Variants in COL21A1 observed in about 807,000 individuals in gnomAD.
COL21A1 encodes collagen alpha-1(XXI) chain.
Under a neutral mutation model 137.9 loss-of-function variants are expected in COL21A1, and 149 were observed. That is an observed-to-expected ratio of 1.08 (90% CI 0.95 to 1.24). COL21A1 has a LOEUF of 1.24. Ranked by LOEUF, COL21A1 falls within the 50% of genes most tolerant of loss-of-function variation. COL21A1 has a pLI of 0.00. For synonymous variants in COL21A1, 456 were observed against 391.5 expected (o/e 1.16, Z -1.95); for missense variants, 1,167 against 1,158.4 (o/e 1.01, Z -0.11).
At chr6:56,066,430 G>A (rs12207719) in intron 23 of COL21A1, among the ~76,000 whole-genome samples, 22,883 of 151,752 alleles carry the variant, frequency 0.15, 1,757 homozygotes, top group Middle Eastern at 0.22. Flanking sequence ...TACATTTGTG[G>A]AAATGTCCAG....
intron 7 of COL21A1, 46 bp from the exon 8 acceptor site, chr6:56,164,868 T>A: frequency 7.4e-7 from 1 of 1,346,584 alleles, no homozygotes; most frequent in African/African-American, 1.5e-5. Context: ...TTAAATAAAA[T>A]TTATAAATTA....
At chr6:56,086,756 A>G (rs1768287168) in intron 17 of COL21A1, among the ~76,000 whole-genome samples, 1 of 152,158 alleles carries the variant, frequency 6.6e-6, no homozygotes, top group Non-Finnish European at 1.5e-5. Flanking sequence ...TTTATCTAGA[A>G]AGGTTCCTAT....
At chr6:56,390,923 A>C (rs892386512) in intron 1 of COL21A1, among the ~76,000 whole-genome samples, 13 of 152,154 alleles carry the variant, frequency 8.5e-5, no homozygotes, top group African/African-American at 2.4e-5. Flanking sequence ...CCAGACAAAA[A>C]ATCAACATAG....
At chr6:56,218,379 A>T (rs1014535552) in intron 1 of COL21A1, among the ~76,000 whole-genome samples, 4 of 152,026 alleles carry the variant, frequency 2.6e-5, no homozygotes, top group Non-Finnish European at 5.9e-5. Flanking sequence ...ACATTTCCCA[A>T]CACTTCCTAA....
chr6:56,336,359 A>C (rs988194442), intron 1 of COL21A1, among the ~76,000 whole-genome samples: 6 of 152,252 alleles, frequency 3.9e-5, no homozygotes, highest in South Asian at 2.1e-4. Flanking sequence ...TAAGTAACTT[A>C]ACCGAAGATA....
intron 16 of COL21A1, among the ~76,000 whole-genome samples, chr6:56,110,652 C>A (rs973370510): frequency 1.3e-4 from 19 of 151,826 alleles, no homozygotes; most frequent in African/African-American, 4.6e-4. Flanking sequence ...GTAGGATATA[C>A]AATCAATATA....
intron 10 of COL21A1, among the ~76,000 whole-genome samples, chr6:56,143,787 C>G (rs1169259483): frequency 6.6e-6 from 1 of 152,128 alleles, no homozygotes; most frequent in Non-Finnish European, 1.5e-5. Context: ...GATCAAAGAC[C>G]AGGTTTAATT....
intron 17 of COL21A1, among the ~76,000 whole-genome samples, chr6:56,082,913 G>A (rs1010795877): frequency 2.0e-5 from 3 of 151,348 alleles, no homozygotes; most frequent in African/African-American, 7.3e-5. Flanking sequence ...CTCTATACTA[G>A]TTATTGCATA....
At chr6:56,233,409 T>C in intron 1 of COL21A1, among the ~76,000 whole-genome samples, 1 of 151,828 alleles carries the variant, frequency 6.6e-6, no homozygotes, top group Non-Finnish European at 1.5e-5. Context: ...CTCAGTTAAA[T>C]CTAATTGATA....
intron 1 of COL21A1, among the ~76,000 whole-genome samples, chr6:56,392,737 C>T (rs2094032168): frequency 6.6e-6 from 1 of 152,088 alleles, no homozygotes; most frequent in Non-Finnish European, 1.5e-5. Context: ...AAAGTAATCT[C>T]ATTTATAATA....
chr6:56,385,617 C>T (rs1379944600), intron 1 of COL21A1, among the ~76,000 whole-genome samples: 1 of 152,112 alleles, frequency 6.6e-6, no homozygotes, highest in Non-Finnish European at 1.5e-5. Context: ...AATTCAGTGT[C>T]ATATAGTACA....
chr6:56,382,261 G>A (rs1291303330), intron 1 of COL21A1, among the ~76,000 whole-genome samples: 5 of 152,092 alleles, frequency 3.3e-5, no homozygotes, highest in African/African-American at 1.2e-4. Context: ...TTCACCATTG[G>A]TTATTAGAAA....
At chr6:56,078,404 T>C (rs62404863) in intron 17 of COL21A1, among the ~76,000 whole-genome samples, 22,950 of 151,494 alleles carry the variant, frequency 0.15, 1,743 homozygotes, top group Middle Eastern at 0.22. Flanking sequence ...CTGAAACAGT[T>C]AACAACATTT....
chr6:56,139,706 T>A (rs1051202700), intron 12 of COL21A1, among the ~76,000 whole-genome samples: 4 of 152,172 alleles, frequency 2.6e-5, no homozygotes, highest in Non-Finnish European at 2.9e-5. Context: ...AGTTCCTTGG[T>A]TATGACTGAC....
intron 1 of COL21A1, among the ~76,000 whole-genome samples, chr6:56,290,498 G>GTTTTTTTTTTTTTTTTTTTTTTTTTTTT (rs371058894): frequency 3.0e-5 from 4 of 132,960 alleles, no homozygotes; most frequent in Admixed American, 8.2e-5. Flanking sequence ...TCACTTAGGA[G>GTTTTTTTTTTTTTTTTTTTTTTTTTTTT]ATTTTTTTTT....
chr6:56,213,105 T>C (rs1022822437), intron 1 of COL21A1, among the ~76,000 whole-genome samples: 2 of 152,110 alleles, frequency 1.3e-5, no homozygotes, highest in Non-Finnish European at 2.9e-5. Flanking sequence ...GACTCTATGA[T>C]AAATCAATTT....
intron 1 of COL21A1, among the ~76,000 whole-genome samples, chr6:56,322,703 T>C (rs966249865): frequency 6.6e-6 from 1 of 152,078 alleles, no homozygotes; most frequent in Non-Finnish European, 1.5e-5. Context: ...ATACAAGATA[T>C]TCCATTTGGT....
Position 56,291,567 on chromosome 6 carries a change from C to T in COL21A1, c.-39+102404G>A, listed in dbSNP as rs1032351830. On this transcript the variant is annotated intron_variant, in intron 1 of 28. Transcript: ENST00000370819. ...GGAGACTAAGAGCCAAAATGCGGGTCGCAGAGTCTAGCTCCAACACCACAA... is the reference window on the plus strand; with the variant it reads ...GGAGACTAAGAGCCAAAATGCGGGTTGCAGAGTCTAGCTCCAACACCACAA... 2.6e-5 allele frequency among the ~76,000 whole-genome samples: 4 copies of T among 152,208 alleles called. No individual in the cohort carries two copies. The East Asian group carries it at 5.8e-4, about 22-fold the overall frequency.
chr6:56,304,366 CT>C (rs1562047457), intron 1 of COL21A1, among the ~76,000 whole-genome samples: 1 of 151,830 alleles, frequency 6.6e-6, no homozygotes, highest in Non-Finnish European at 1.5e-5. Flanking sequence ...TGGTCCTGGA[CT>C]TTTTTTGGTT....
Sources: gnomAD v4.1 joint callset for allele counts (sites outside exome capture counted in the v4.1 genomes callset) on GRCh38, gnomAD v4.1.1 for gene constraint, MANE v1.5 for transcripts, NCBI Gene and HGNC (gene_info 2026-07-23, HGNC 2026-07-21) for gene names.